EML5: variants seen among roughly 807,000 people sequenced by gnomAD.
EML5 encodes EMAP like 5, also known as echinoderm microtubule-associated protein-like 5.
In EML5, 120 loss-of-function variants were observed where a neutral mutation model predicts 250.0. That is an observed-to-expected ratio of 0.48 (90% CI 0.41 to 0.56). The LOEUF (loss-of-function observed/expected upper bound fraction) is 0.56, where lower values mean the gene tolerates loss of function less well. EML5 is among the 20% of genes least tolerant of loss of function. The probability of loss-of-function intolerance (pLI) is 0.00; values close to 1 mark genes in which losing one functional copy is unlikely to be tolerated. For synonymous variants in EML5, 771 were observed against 806.5 expected, an observed-to-expected ratio of 0.96 and a Z score of 0.75; for missense variants, 2,006 against 2,437.6, an observed-to-expected ratio of 0.82 and a Z score of 3.73.
intron 1 of EML5, among the ~76,000 whole-genome samples, chr14:88,761,962 T>C (rs1196160558): frequency 1.3e-5 from 2 of 152,230 alleles, no homozygotes; most frequent in African/African-American, 4.8e-5. Context: ...CTTTTTTTCA[T>C]ATGCTTGTTG....
intron 34 of EML5, 151 bp downstream of exon 34, chr14:88,627,495 T>A: frequency 1.5e-6 from 1 of 671,256 alleles, no homozygotes; most frequent in Non-Finnish European, 2.3e-6. Context: ...AAGTGAAATA[T>A]ACCTACAGTA....
chr14:88,735,071 A>G (rs1566723329), intron 7 of EML5, among the ~76,000 whole-genome samples: 1 of 152,308 alleles, frequency 6.6e-6, no homozygotes, highest in East Asian at 1.9e-4. Flanking sequence ...ATATTTACAG[A>G]TGAAATCAGG....
At chr14:88,779,624 T>C (rs2094477382) in intron 1 of EML5, among the ~76,000 whole-genome samples, 1 of 152,052 alleles carries the variant, frequency 6.6e-6, no homozygotes, top group Non-Finnish European at 1.5e-5. Context: ...CTTGGAACTT[T>C]GTTTGTCACC....
At chr14:88,778,512 G>A (rs1335600042) in intron 1 of EML5, among the ~76,000 whole-genome samples, 2 of 152,226 alleles carry the variant, frequency 1.3e-5, no homozygotes, top group African/African-American at 4.8e-5. Flanking sequence ...TGGGTGTGGT[G>A]GCTCACGCCA....
Position 88,740,478 on chromosome 14 carries a change from C to T in EML5, c.620G>A (p.Arg207Lys), listed in dbSNP as rs755070774. ...TGCACCAGAATATGTTAATTCATCC[C>T]TTGCACAGGCTAGGCACAGTATTGT... ...LQTILCLACA[R>K]DELTYSGALN... Residue 207 changes from arginine to lysine, a missense_variant, in exon 5 of 44, where the codon AGG becomes AAG. This residue lies in a region of EML5 where 1,375 missense variants were observed against 1,590.3 expected (regional missense o/e 0.86). Transcript: ENST00000554922. 9 of 1,613,852 alleles carry T rather than the reference C, an allele frequency of 5.6e-6. No individual in the cohort carries two copies. The highest frequency in any genetic ancestry group is 7.6e-6 in the Non-Finnish European group (9 of 1,179,826).
chr14:88,773,777 T>C (rs2094419150), intron 1 of EML5, among the ~76,000 whole-genome samples: 1 of 151,790 alleles, frequency 6.6e-6, no homozygotes, highest in Non-Finnish European at 1.5e-5. Flanking sequence ...TCTGGAGCAG[T>C]GTTCTCAAAC....
rs191602104 is a variant in EML5 at position 88,655,279 on chromosome 14, T to G, written c.4004+2097A>C. The stretch of plus-strand genomic sequence containing the variant: ...AGCATGGTACTGGTACCAAAACAGA[T>G]ATATAGACCAATGGAACAGAACAGA... On this transcript the variant is annotated intron_variant, in intron 27 of 43. Transcript: ENST00000554922. 7.2e-4 allele frequency among the ~76,000 whole-genome samples: 109 copies of G among 152,084 alleles called. 1 individual carries two copies. The East Asian group carries it at 0.015, about 21-fold the overall frequency.
At chr14:88,758,524 T>C (rs1356895089) in intron 1 of EML5, among the ~76,000 whole-genome samples, 2 of 152,132 alleles carry the variant, frequency 1.3e-5, no homozygotes, top group Non-Finnish European at 2.9e-5. Context: ...ACAGAAAATA[T>C]GAAGTATTGG....
At chr14:88,723,486 A>G (rs2093621002) in intron 8 of EML5, among the ~76,000 whole-genome samples, 6 of 152,154 alleles carry the variant, frequency 3.9e-5, no homozygotes, top group Admixed American at 1.3e-4. Flanking sequence ...AAAGAGTACC[A>G]AGTTTCAGTT....
At chr14:88,738,060 C>T (rs564777961) in intron 6 of EML5, among the ~76,000 whole-genome samples, 1 of 151,970 alleles carries the variant, frequency 6.6e-6, no homozygotes, top group African/African-American at 2.4e-5. Context: ...ATAAAGACAC[C>T]GTGTACCTCA....
At chr14:88,636,678 A>C (rs1302232827) in intron 32 of EML5, among the ~76,000 whole-genome samples, 2 of 152,124 alleles carry the variant, frequency 1.3e-5, no homozygotes, top group African/African-American at 4.8e-5. Flanking sequence ...GAAACAAATA[A>C]AAGATAAGAA....
rs917853416 is a variant in EML5, at chr14:88,644,579, C to T, written c.4029-68G>A. 8 of 1,433,532 alleles carry T rather than the reference C, an allele frequency of 5.6e-6. No homozygotes were observed. In the African/African-American group the frequency reaches 1.1e-4, roughly 20 times the overall value. 88.8% of individuals were successfully genotyped at this position (1,433,532 alleles called of 1,614,324 possible). On this transcript the variant is annotated intron_variant, in intron 29 of 43. Transcript: ENST00000554922. ...AGTGCCTTCACTGAGCCTCTCACAC[C>T]ATCCCTCCCAGAGAGGTGTCTTGTC...
chr14:88,740,249 A>G lies in EML5; in HGVS notation c.711+138T>C, dbSNP rs76329351. On this transcript the variant is annotated intron_variant, in intron 5 of 43. Transcript: ENST00000554922. ...TTTCTTCATTGAAATCTTGAAAACA[A>G]ATAGATAATTCAGTTAGAAAAGCAT... The G allele has an allele frequency of 6.7e-3, 3,885 of 581,456 alleles. 126 individuals carry two copies. Among genetic ancestry groups the G allele is most frequent in the African/African-American group, 0.064 (3,459 of 54,122 alleles). 36.0% of individuals were successfully genotyped at this position (581,456 alleles called of 1,614,324 possible).
Position 88,665,442 on chromosome 14 carries a change from C to A in EML5, c.3172G>T (p.Gly1058Cys). ...ATTAAGAAGCTTCCATCGTTGAGACCTACGGCTAAAGCTTTACCATCAGGA... is the reference window on the plus strand; with the variant it reads ...ATTAAGAAGCTTCCATCGTTGAGACATACGGCTAAAGCTTTACCATCAGGA... ...FSPDGKALAV[G>C]LNDGSFLMAN... The change falls in exon 22 of 44, where the codon GGT becomes TGT. Residue 1058 changes from glycine to cysteine, a missense_variant. Physicochemically the swap from Gly to Cys is radical, Grantham distance 159. Coordinates refer to ENST00000554922, the MANE Select transcript of EML5 (RefSeq NM_183387.3). The A allele has an allele frequency of 6.2e-7, 1 of 1,613,970 alleles. No individual in the cohort carries two copies. Among genetic ancestry groups the A allele is most frequent in the Non-Finnish European group, 8.5e-7 (1 of 1,179,880 alleles).
intron 33 of EML5, 67 bp from the exon 34 acceptor site, chr14:88,627,886 T>A (rs1397835264): frequency 2.9e-5 from 41 of 1,410,078 alleles, no homozygotes; most frequent in Non-Finnish European, 3.9e-6. Context: ...CTAAAGCTTA[T>A]GCATATTCAT....
chr14:88,637,140 G>A (rs2090784337), intron 32 of EML5, among the ~76,000 whole-genome samples: 1 of 152,122 alleles, frequency 6.6e-6, no homozygotes, highest in Non-Finnish European at 1.5e-5. Context: ...TTATGTGTGA[G>A]GAGAAAAATA....
chr14:88,767,013 T>C (rs2094329407), intron 1 of EML5, among the ~76,000 whole-genome samples: 1 of 152,264 alleles, frequency 6.6e-6, no homozygotes, highest in Admixed American at 6.5e-5. Flanking sequence ...TTTTCTTGTA[T>C]AAATTGTTGA....
At position 88,688,412 on chromosome 14, in the gene EML5, C is replaced by T; in HGVS notation, c.2601G>A (p.Met867Ile). The T allele has an allele frequency of 6.2e-7, 1 of 1,614,006 alleles. No individual in the cohort carries two copies. Among genetic ancestry groups the T allele is most frequent in the Non-Finnish European group, 8.5e-7 (1 of 1,179,884 alleles). The change falls in exon 18 of 44, where the codon ATG becomes ATA. Residue 867 changes from methionine (M) to isoleucine (I), a missense_variant. Physicochemically the swap from Met to Ile is conservative, Grantham distance 10. Transcript: ENST00000554922. The part of the protein sequence containing the change: ...IGTLGKNDTM[M>I]CAVYGWTEEM... Reference sequence around the variant, plus strand: ...CTTCAGTCCATCCATACACTGCACACATCATTGTGTCATTTTTCCCCAGTG... The same window carrying T: ...CTTCAGTCCATCCATACACTGCACATATCATTGTGTCATTTTTCCCCAGTG...
In EML5 at chr14:88,663,095, C is replaced by T; in HGVS notation, c.3434G>A (p.Gly1145Asp). ...IRGKLLQVNT[G>D]AKEQLFFEAP... ...TTCAAAGAATAATTGTTCCTTAGCA[C>T]CAGTGTTGACCTGTAAAAGCTTTCC... The change falls in exon 24 of 44, where the codon GGT becomes GAT. Residue 1145 changes from glycine (G) to aspartate (D), a missense_variant. Around this residue, in one of 7 missense-constraint regions of EML5, gnomAD observed 1,375 missense variants for 1,590.3 expected, o/e 0.86. Coordinates refer to ENST00000554922, the MANE Select transcript of EML5 (RefSeq NM_183387.3). 1.9e-6 allele frequency: 3 copies of T among 1,546,808 alleles called. No homozygotes were observed. Among genetic ancestry groups the T allele is most frequent in the Non-Finnish European group, 2.6e-6 (3 of 1,145,280 alleles).
Sources: allele counts gnomAD v4.1 joint callset (sites outside exome capture counted in the v4.1 genomes callset), GRCh38; gene constraint gnomAD v4.1.1; regional missense constraint gnomAD v4.1.1; transcripts MANE v1.5; gene names NCBI Gene and HGNC (gene_info 2026-07-23, HGNC 2026-07-21).